Variants in AGBL1 observed in about 807,000 individuals in gnomAD.
AGBL1 encodes the protein AGBL carboxypeptidase 1.
A neutral mutation model predicts 118.9 loss-of-function variants in AGBL1; 130 were observed. That is an observed-to-expected ratio of 1.09 (90% CI 0.95 to 1.26). AGBL1 has a LOEUF of 1.26. Ranked by LOEUF, AGBL1 falls within the 50% of genes most tolerant of loss-of-function variation. The probability of loss-of-function intolerance (pLI) is 0.00; values close to 1 mark genes in which losing one functional copy is unlikely to be tolerated. For missense variants in AGBL1, 1,584 were observed against 1,298.1 expected, an observed-to-expected ratio of 1.22 and a Z score of -3.38; for synonymous variants, 555 against 478.9, an observed-to-expected ratio of 1.16 and a Z score of -2.08.
chr15:86,379,253 A>G (rs200337377), intron 17 of AGBL1, among the ~76,000 whole-genome samples: 1 of 79,844 alleles, frequency 1.3e-5, no homozygotes, highest in Non-Finnish European at 2.4e-5. Flanking sequence ...GACTACCTGA[A>G]AAAACCCTTG....
intron 22 of AGBL1, among the ~76,000 whole-genome samples, chr15:86,743,713 C>T (rs60572800): frequency 0.011 from 1,740 of 152,164 alleles, 20 homozygotes; most frequent in East Asian, 0.056. Context: ...GATTCTGATG[C>T]GGATGATCCC....
intron 5 of AGBL1, among the ~76,000 whole-genome samples, chr15:86,191,473 C>T (rs1174335138): frequency 6.6e-6 from 1 of 151,194 alleles, no homozygotes; most frequent in Non-Finnish European, 1.5e-5. Context: ...ACAGAGAGAG[C>T]AAAGGCTTGT....
At chr15:86,778,465 C>A (rs574843590) in intron 22 of AGBL1, among the ~76,000 whole-genome samples, 1 of 152,046 alleles carries the variant, frequency 6.6e-6, no homozygotes, top group Admixed American at 6.6e-5. Context: ...CTGTAAAAGA[C>A]GGCCACCCCC....
At chr15:86,472,171 T>A (rs534709992) in intron 18 of AGBL1, among the ~76,000 whole-genome samples, 1 of 152,282 alleles carries the variant, frequency 6.6e-6, no homozygotes, top group South Asian at 2.1e-4. Flanking sequence ...TCCAGAAGTG[T>A]GAGAGAATAC....
chr15:86,290,683 AT>A (rs71144035), intron 16 of AGBL1, among the ~76,000 whole-genome samples: 13,953 of 150,690 alleles, frequency 0.093, 702 homozygotes, highest in Middle Eastern at 0.16. Context: ...TTTTTTATTT[AT>A]TTTTTTTATT....
At chr15:86,542,948 G>C (rs1315634507) in intron 19 of AGBL1, among the ~76,000 whole-genome samples, 1 of 151,894 alleles carries the variant, frequency 6.6e-6, no homozygotes, top group Non-Finnish European at 1.5e-5. Context: ...GAATATATTT[G>C]ATCTTTCTTA....
At chr15:86,985,488 C>T (rs570392101) in intron 23 of AGBL1, among the ~76,000 whole-genome samples, 32 of 152,340 alleles carry the variant, frequency 2.1e-4, no homozygotes, top group Middle Eastern at 6.8e-3. Flanking sequence ...TGATGACTAA[C>T]GCTGCTAAGC....
At chr15:86,491,511 T>C (rs1450639034) in intron 18 of AGBL1, among the ~76,000 whole-genome samples, 1 of 152,100 alleles carries the variant, frequency 6.6e-6, no homozygotes, top group African/African-American at 2.4e-5. Context: ...TCACTTTGGC[T>C]AGTGTATAAG....
At chr15:86,189,898 C>T (rs2077692610) in intron 5 of AGBL1, among the ~76,000 whole-genome samples, 1 of 152,202 alleles carries the variant, frequency 6.6e-6, no homozygotes, top group African/African-American at 2.4e-5. Flanking sequence ...GCTGGACTGA[C>T]ACCAGGTACC....
intron 4 of AGBL1, among the ~76,000 whole-genome samples, chr15:86,157,785 G>C (rs2077212361): frequency 6.6e-6 from 1 of 152,134 alleles, no homozygotes; most frequent in African/African-American, 2.4e-5. Context: ...GGGTCTGTGA[G>C]AGCCAATGAA....
chr15:86,905,277 T>A (rs900852873), intron 22 of AGBL1, among the ~76,000 whole-genome samples: 5 of 152,188 alleles, frequency 3.3e-5, no homozygotes, highest in Non-Finnish European at 7.4e-5. Context: ...AGGCAGGACA[T>A]TATTTAAGCA....
intron 21 of AGBL1, among the ~76,000 whole-genome samples, chr15:86,617,678 T>C (rs2084749131): frequency 6.6e-6 from 1 of 152,020 alleles, no homozygotes; most frequent in South Asian, 2.1e-4. Flanking sequence ...GTATATAATA[T>C]ACTAGGTAGA....
intron 6 of AGBL1, among the ~76,000 whole-genome samples, chr15:86,231,718 A>G (rs955596861): frequency 6.6e-6 from 1 of 152,228 alleles, no homozygotes; most frequent in Non-Finnish European, 1.5e-5. Context: ...AGTAACTCAC[A>G]TCGTTAGTGG....
chr15:86,137,587 T>A (rs917318778), intron 1 of AGBL1, among the ~76,000 whole-genome samples: 4 of 152,236 alleles, frequency 2.6e-5, no homozygotes, highest in African/African-American at 9.7e-5. Flanking sequence ...ATATTTTTTG[T>A]GTTTTGTTTT....
intron 1 of AGBL1, chr15:86,139,932 G>T: frequency 6.3e-6 from 1 of 157,586 alleles, no homozygotes. Flanking sequence ...TGGAGTCGTG[G>T]AACTGCTTCA....
In AGBL1 at chr15:86,262,850, A is replaced by T; in HGVS notation, c.1042A>T (p.Met348Leu). ...PGLDRPEEEL[M>L]QYEVMCLELS... ...TCTTGACCGACCTGAAGAGGAACTG[A>T]TGCAATATGAGGTGATGTGTCTTGA... Residue 348 changes from methionine to leucine, a missense_variant, in exon 10 of 23, where the codon ATG becomes TTG. Met to Leu is a conservative substitution (Grantham distance 15, BLOSUM62 2). Coordinates refer to ENST00000614907, the MANE Select transcript of AGBL1 (RefSeq NM_001386094.1). 6.2e-7 allele frequency: 1 copy of T among 1,610,944 alleles called. No individual in the cohort carries two copies. The highest frequency in any genetic ancestry group is 8.5e-7 in the Non-Finnish European group (1 of 1,178,700).
chr15:86,131,215 G>T (rs2076814419), intron 1 of AGBL1, among the ~76,000 whole-genome samples: 1 of 152,080 alleles, frequency 6.6e-6, no homozygotes, highest in South Asian at 2.1e-4. Flanking sequence ...TGCTTTTCAT[G>T]ACCTACTCTT....
At chr15:86,210,413 C>A (rs1360988695) in intron 5 of AGBL1, among the ~76,000 whole-genome samples, 1 of 152,168 alleles carries the variant, frequency 6.6e-6, no homozygotes, top group Admixed American at 6.5e-5. Context: ...AGAGTGTTTT[C>A]CAACTTGGTT....
At chr15:86,591,434 C>G (rs1244655319) in intron 21 of AGBL1, among the ~76,000 whole-genome samples, 1 of 152,186 alleles carries the variant, frequency 6.6e-6, no homozygotes, top group Admixed American at 6.5e-5. Context: ...ACACCAGTCA[C>G]AAGTTCAGGC....
Sources: gnomAD v4.1 joint callset for allele counts (sites outside exome capture counted in the v4.1 genomes callset) on GRCh38, gnomAD v4.1.1 for gene constraint, MANE v1.5 for transcripts, NCBI Gene and HGNC (gene_info 2026-07-23, HGNC 2026-07-21) for gene names.